Variants in EVL observed in about 807,000 individuals in gnomAD.
EVL encodes Enah/Vasp-like, also known as ena/VASP-like protein.
In EVL, 21 loss-of-function variants were observed where a neutral mutation model predicts 59.6. That is an observed-to-expected ratio of 0.35 (90% CI 0.25 to 0.51). The LOEUF (loss-of-function observed/expected upper bound fraction) is 0.51. EVL is among the 20% of genes least tolerant of loss of function. The pLI is 0.97. For synonymous variants in EVL, 198 were observed against 203.5 expected, an observed-to-expected ratio of 0.97 and a Z score of 0.23; for missense variants, 462 against 546.6, an observed-to-expected ratio of 0.85 and a Z score of 1.54.
upstream of EVL, among the ~76,000 whole-genome samples, chr14:100,064,658 C>T (rs1190951): frequency 0.77 from 116,579 of 152,190 alleles, 45,711 homozygotes; most frequent in Non-Finnish European, 0.84. Context: ...CGCCTGTAAT[C>T]TCAGCACTTT....
chr14:100,143,364 C>G (rs1225758903), intron 13 of EVL, among the ~76,000 whole-genome samples: 2 of 152,158 alleles, frequency 1.3e-5, no homozygotes, highest in African/African-American at 4.8e-5. Flanking sequence ...TACAGAGACC[C>G]TGCGTCCCCA....
intron 1 of EVL, among the ~76,000 whole-genome samples, chr14:100,053,793 C>G (rs1242321572): frequency 6.6e-6 from 1 of 152,150 alleles, no homozygotes; most frequent in Non-Finnish European, 1.5e-5. Flanking sequence ...GGACTATAGG[C>G]ACATGCTACT....
intron 4 of EVL, among the ~76,000 whole-genome samples, chr14:100,125,043 G>T (rs990892777): frequency 2.3e-5 from 3 of 131,564 alleles, no homozygotes; most frequent in African/African-American, 1.1e-4. Context: ...ACCACATGTG[G>T]ATAGACACAC....
At chr14:100,117,592 C>T (rs1887431460) in intron 3 of EVL, among the ~76,000 whole-genome samples, 1 of 152,250 alleles carries the variant, frequency 6.6e-6, no homozygotes. Flanking sequence ...TTTTCCAACT[C>T]TCCAGCTTTC....
At chr14:100,069,390 G>T (rs926014721) in intron 1 of EVL, among the ~76,000 whole-genome samples, 2 of 152,212 alleles carry the variant, frequency 1.3e-5, no homozygotes, top group Admixed American at 1.3e-4. Flanking sequence ...TCGCACAGCC[G>T]GGGTTCAGCT....
chr14:100,143,734 C>T lies in EVL; in HGVS notation c.1253C>T (p.Thr418Met), dbSNP rs748938976. 8.1e-6 allele frequency: 13 copies of T among 1,612,382 alleles called. No individual in the cohort carries two copies. Among genetic ancestry groups the T allele is most frequent in the Middle Eastern group, 1.7e-4 (1 of 6,058 alleles). Reference protein sequence around the residue: ...IRQELSGISTT With the variant: ...IRQELSGISTM ...CAGGAGCTGAGTGGGATCAGCACCA[C>T]GTAAGGGGCCGGCCTCGCTGCGCTG... is the stretch of plus-strand genomic sequence containing the variant. Residue 418 changes from threonine to methionine, a missense_variant, in exon 14 of 14, where the codon ACG becomes ATG. Physicochemically the swap from Thr to Met is moderately conservative, Grantham distance 81 (BLOSUM62 -1). Transcript: ENST00000392920.
intron 1 of EVL, among the ~76,000 whole-genome samples, chr14:100,012,298 G>A (rs1486353173): frequency 1.3e-5 from 2 of 152,226 alleles, no homozygotes; most frequent in Admixed American, 1.3e-4. Context: ...AAGGCCTGAA[G>A]TGCGTCTGAA....
At chr14:99,983,373 G>A (rs970023578) in intron 1 of EVL, among the ~76,000 whole-genome samples, 15 of 152,170 alleles carry the variant, frequency 9.9e-5, no homozygotes, top group African/African-American at 3.6e-4. Flanking sequence ...GAAATTCATG[G>A]AAGTCATGAC....
chr14:100,138,172 G>C (rs1255920931), intron 11 of EVL: 4 of 334,032 alleles, frequency 1.2e-5, no homozygotes, highest in Non-Finnish European at 5.6e-6. Context: ...TGCACAGGGT[G>C]GTGGTGGGGA....
intron 1 of EVL, among the ~76,000 whole-genome samples, chr14:100,001,238 A>C (rs1212007466): frequency 6.6e-6 from 1 of 152,230 alleles, no homozygotes; most frequent in East Asian, 1.9e-4. Context: ...AGCACAGCTT[A>C]GTTTTCAGTG....
rs148061540 is a variant in EVL at position 100,000,075 on chromosome 14, C to T, written c.5+28018C>T. Among the ~76,000 whole-genome samples the T allele has an allele frequency of 4.6e-5, 7 of 152,242 alleles. No individual in the cohort carries two copies. The East Asian group carries it at 1.4e-3, about 29-fold the overall frequency. ...GGAATGGAATAGGAAGTGTGAACCC[C>T]GAATATCTGAGATAGGTCTCAGTTA... is the stretch of plus-strand genomic sequence containing the variant. On this transcript the variant is annotated intron_variant, in intron 1 of 13. Coordinates refer to the EVL transcript ENST00000402714.
intron 1 of EVL, among the ~76,000 whole-genome samples, chr14:100,056,562 C>G (rs1435122161): frequency 6.6e-6 from 1 of 152,114 alleles, no homozygotes; most frequent in Non-Finnish European, 1.5e-5. Context: ...TTCTTTTATG[C>G]TACTTGCATT....
Position 100,015,326 on chromosome 14 carries a change from A to C in EVL, c.5+43269A>C, listed in dbSNP as rs191247789. ...GGTTAAGCTGAGGACACTTGTTTAA[A>C]ATATTCTCATTTAGCTTTCCCACAT... On this transcript the variant is annotated intron_variant, in intron 1 of 13. Transcript: ENST00000402714. Among the ~76,000 whole-genome samples, 4 of 152,292 alleles carry C rather than the reference A, an allele frequency of 2.6e-5. No individual in the cohort carries two copies. The East Asian group carries it at 7.7e-4, about 29-fold the overall frequency.
intron 2 of EVL, among the ~76,000 whole-genome samples, chr14:100,086,764 T>G (rs2062452289): frequency 6.6e-6 from 1 of 152,164 alleles, no homozygotes; most frequent in South Asian, 2.1e-4. Flanking sequence ...CCTCCTAGAG[T>G]GTGATTGAGA....
At position 100,137,811 on chromosome 14, in the gene EVL, C is replaced by T; in HGVS notation, c.1094+9C>T. Reference sequence around the variant, plus strand: ...TCGCAGCCTCACTCTAGGTACCGAACAACCCTCCTGCTCACATGTCCCCCA... The same window carrying T: ...TCGCAGCCTCACTCTAGGTACCGAATAACCCTCCTGCTCACATGTCCCCCA... On this transcript the variant is annotated intron_variant, in intron 11 of 13. Transcript: ENST00000392920. 9.3e-6 allele frequency: 15 copies of T among 1,613,964 alleles called. No homozygotes were observed. The highest frequency in any genetic ancestry group is 1.3e-5 in the Non-Finnish European group (15 of 1,179,936).
intron 1 of EVL, among the ~76,000 whole-genome samples, chr14:100,042,339 G>A (rs1324912614): frequency 6.6e-6 from 1 of 152,162 alleles, no homozygotes; most frequent in South Asian, 2.1e-4. Flanking sequence ...AGAGAATCTC[G>A]GTTACATTGT....
At position 100,127,029 on chromosome 14, in the gene EVL, T is replaced by C; in HGVS notation, c.487+258T>C. ...ACATTCAGCAAGCACCTCCTGTGTC[T>C]CAGGCACCGTGCTAAGGGCTGGGGA... On this transcript the variant is annotated intron_variant, in intron 5 of 13. Transcript: ENST00000392920. This position sits in a 1 kb window ranked among gnomAD's most constrained non-coding sequence, Gnocchi z 4.2. Among the ~76,000 whole-genome samples, 1 of 152,206 alleles carries C rather than the reference T, an allele frequency of 6.6e-6. No individual in the cohort carries two copies.
chr14:100,089,920 G>A (rs77546854), intron 2 of EVL, among the ~76,000 whole-genome samples: 1,863 of 152,022 alleles, frequency 0.012, 34 homozygotes, highest in African/African-American at 0.043. Context: ...ACAACAAAGT[G>A]ATAACCTTGT....
At chr14:100,015,735 T>G (rs2061044979) in intron 1 of EVL, among the ~76,000 whole-genome samples, 1 of 152,062 alleles carries the variant, frequency 6.6e-6, no homozygotes. Flanking sequence ...CTTTGATCAG[T>G]TGTATGTATT....
Sources: gnomAD v4.1 joint callset for allele counts (sites outside exome capture counted in the v4.1 genomes callset) on GRCh38, gnomAD v4.1.1 for gene constraint, Gnocchi (gnomAD v3.1) non-coding constraint, MANE v1.5 for transcripts, NCBI Gene and HGNC (gene_info 2026-07-23, HGNC 2026-07-21) for gene names.